Variants in SCUBE1 observed in about 807,000 individuals in gnomAD.
SCUBE1 encodes signal peptide, CUB and EGF-like domain-containing protein 1.
In SCUBE1, 59 loss-of-function variants were observed where a neutral mutation model predicts 124.4. The ratio of observed to expected loss-of-function variants is 0.47; its 90% CI spans 0.38 to 0.59. The LOEUF is 0.59. Among genes scored for constraint, SCUBE1 ranks in the 20% least tolerant of loss-of-function variants. SCUBE1 has a pLI of 0.00. For synonymous variants in SCUBE1, 545 were observed against 550.9 expected (o/e 0.99, Z 0.15); for missense variants, 1,150 against 1,371.2 (o/e 0.84, Z 2.55).
At chr22:43,219,158 G>C (rs1218586277) in intron 14 of SCUBE1, among the ~76,000 whole-genome samples, 1 of 152,176 alleles carries the variant, frequency 6.6e-6, no homozygotes, top group Non-Finnish European at 1.5e-5. Context: ...CTGGTGGGAG[G>C]TGTCTGGGTC....
rs916589759 is a variant in SCUBE1 at position 43,258,960 on chromosome 22, G to A, written c.611-625C>T. On this transcript the variant is annotated intron_variant, in intron 5 of 21. Transcript: ENST00000360835. The surrounding 1 kb of genome is among the most constrained non-coding windows in gnomAD (Gnocchi z 5.0). The stretch of plus-strand genomic sequence containing the variant: ...TGCAAGTTAATGTCATCTGAGGTAC[G>A]GTTTTGAAAATCACCTAAATAATAA... Among the ~76,000 whole-genome samples the A allele has an allele frequency of 2.6e-5, 4 of 152,158 alleles. No individual in the cohort carries two copies. The highest frequency in any genetic ancestry group is 7.2e-5 in the African/African-American group (3 of 41,426).
At chr22:43,295,558 G>A (rs1283757986) in intron 3 of SCUBE1, among the ~76,000 whole-genome samples, 1 of 152,218 alleles carries the variant, frequency 6.6e-6, no homozygotes, top group Non-Finnish European at 1.5e-5. Flanking sequence ...TGGGCACGAG[G>A]GGGGCTTCAG....
intron 4 of SCUBE1, among the ~76,000 whole-genome samples, chr22:43,273,561 C>CTTTTTTTTTTTTTTTTTTTTTT: frequency 1.6e-5 from 1 of 60,972 alleles, no homozygotes; most frequent in East Asian, 4.2e-4. Flanking sequence ...CTAAAACCCT[C>CTTTTTTTTTTTTTTTTTTTTTT]TTTTTTTTTT....
At chr22:43,335,940 GTGA>G (rs1434399746) in intron 2 of SCUBE1, among the ~76,000 whole-genome samples, 1 of 150,366 alleles carries the variant, frequency 6.7e-6, no homozygotes, top group East Asian at 2.0e-4. Flanking sequence ...GATGATGATG[GTGA>G]TGAAGATGAT....
chr22:43,286,364 A>AC (rs1925143417), intron 4 of SCUBE1, among the ~76,000 whole-genome samples: 1 of 152,210 alleles, frequency 6.6e-6, no homozygotes, highest in South Asian at 2.1e-4. Context: ...AATGATGGAG[A>AC]CAATGCGACG....
rs141212602 is a variant in SCUBE1 at position 43,324,841 on chromosome 22, A to G, written c.221-4776T>C. Among the ~76,000 whole-genome samples the G allele has an allele frequency of 5.8e-3, 884 of 151,230 alleles. 5 individuals are homozygous for G. Among genetic ancestry groups the G allele is most frequent in the African/African-American group, 0.021 (855 of 41,144 alleles). On this transcript the variant is annotated intron_variant, in intron 2 of 21. Transcript: ENST00000360835. ...TATTCTTAAAGGGCTGTTGTGGATT[A>G]AATTGTGTCCCCGCAAAAAGATATG... is the stretch of plus-strand genomic sequence containing the variant.
At chr22:43,337,906 C>G (rs989704775) in intron 2 of SCUBE1, among the ~76,000 whole-genome samples, 1 of 152,240 alleles carries the variant, frequency 6.6e-6, no homozygotes, top group Non-Finnish European at 1.5e-5. Context: ...AGAAAACTAG[C>G]TGCCAGAGTT....
At position 43,255,900 on chromosome 22, in the gene SCUBE1, C is replaced by T. The variant is rs9612030; in HGVS notation, c.727+2319G>A. ...GGCTGAGGTCAGGGCAGACGGGATT[C>T]GTCCGCAGAGAGCCACAGAAGCAGA... On this transcript the variant is annotated intron_variant, in intron 6 of 21. Transcript: ENST00000360835. The surrounding 1 kb of genome is among the most constrained non-coding windows in gnomAD (Gnocchi z 4.7). 5.3e-5 allele frequency among the ~76,000 whole-genome samples: 8 copies of T among 152,132 alleles called. No individual in the cohort carries two copies. Among genetic ancestry groups the T allele is most frequent in the Non-Finnish European group, 1.2e-4 (8 of 68,014 alleles).
rs1013518634 is a variant in SCUBE1 at position 43,204,671 on chromosome 22, G to A, written c.2815-522C>T. Reference sequence around the variant, plus strand: ...AATAAGATTTTATTAAAGGCCAAGTGTGGTGGCTCACACCTGTAATCCCAG... The same window carrying A: ...AATAAGATTTTATTAAAGGCCAAGTATGGTGGCTCACACCTGTAATCCCAG... On this transcript the variant is annotated intron_variant, in intron 21 of 21. Coordinates refer to ENST00000360835, the MANE Select transcript of SCUBE1 (RefSeq NM_173050.5). Among the ~76,000 whole-genome samples, 26 of 152,090 alleles carry A rather than the reference G, an allele frequency of 1.7e-4. 1 individual carries two copies. Among genetic ancestry groups the A allele is most frequent in the Admixed American group, 1.4e-3 (22 of 15,284 alleles).
Position 43,229,186 on chromosome 22 carries a change from T to C in SCUBE1, c.970A>G (p.Ile324Val). The change falls in exon 9 of 22, where the codon ATC (isoleucine) becomes GTC (valine). Residue 324 changes from isoleucine to valine, a missense_variant and splice_region_variant. Physicochemically the swap from Ile to Val is conservative, Grantham distance 29 (BLOSUM62 3). This residue lies in a region of SCUBE1 where 337 missense variants were observed against 482.1 expected (regional missense o/e 0.70). Transcript: ENST00000360835. Reference protein sequence around the residue: ...LLTDERTCQDIDECSFERTCD... With the variant: ...LLTDERTCQDVDECSFERTCD... ...GTCCGCTCGAAGGAGCACTCGTCGA[T>C]GTCTGCGTGGCCACAGGGAGACAAA... 1.2e-6 allele frequency: 2 copies of C among 1,608,922 alleles called. No individual in the cohort carries two copies. The highest frequency in any genetic ancestry group is 1.1e-5 in the South Asian group (1 of 90,978).
At chr22:43,239,213 A>T (rs1006259935) in intron 6 of SCUBE1, among the ~76,000 whole-genome samples, 1 of 152,230 alleles carries the variant, frequency 6.6e-6, no homozygotes, top group Non-Finnish European at 1.5e-5. Context: ...CAAACTGCAG[A>T]GGGCTGTGCT....
At chr22:43,251,387 A>G (rs1403474587) in intron 6 of SCUBE1, among the ~76,000 whole-genome samples, 3 of 152,210 alleles carry the variant, frequency 2.0e-5, no homozygotes, top group African/African-American at 7.2e-5. Flanking sequence ...ATGCCCCCTT[A>G]AAATGCCCAC....
At chr22:43,233,865 G>A (rs541263200) in intron 7 of SCUBE1, among the ~76,000 whole-genome samples, 2 of 152,072 alleles carry the variant, frequency 1.3e-5, no homozygotes. Context: ...GAGGAGTGCA[G>A]GGCTGGATGC....
intron 7 of SCUBE1, among the ~76,000 whole-genome samples, chr22:43,236,171 CA>C (rs1420573553): frequency 4.6e-5 from 7 of 152,222 alleles, no homozygotes; most frequent in Non-Finnish European, 1.0e-4. Flanking sequence ...ACCGAGGAAC[CA>C]AACCCTGGGG....
chr22:43,223,114 T>G lies in SCUBE1; in HGVS notation c.1310A>C (p.His437Pro), dbSNP rs754476778. 6.5e-5 allele frequency: 101 copies of G among 1,549,568 alleles called. No homozygotes were observed. Among genetic ancestry groups the G allele is most frequent in the Non-Finnish European group, 8.7e-5 (101 of 1,155,148 alleles). ...VESCFLSCPA[H>P]TLFVPDSENS... Reference sequence around the variant, plus strand: ...CGGGTTACCTGGCACGAAGAGTGTGTGAGCCGGGCAGGAAAGGAAGCAGCT... The same window carrying G: ...CGGGTTACCTGGCACGAAGAGTGTGGGAGCCGGGCAGGAAAGGAAGCAGCT... The change falls in exon 11 of 22, where the codon CAC becomes CCC. Residue 437 changes from histidine (H) to proline (P), a missense_variant. By Grantham distance (77) the His-to-Pro change is moderately conservative. Coordinates refer to ENST00000360835, the MANE Select transcript of SCUBE1 (RefSeq NM_173050.5).
In SCUBE1 at chr22:43,222,948, C is replaced by T. The variant is rs1272037580; in HGVS notation, c.1327+149G>A. 6 of 1,203,152 alleles carry T rather than the reference C, an allele frequency of 5.0e-6. No homozygotes were observed. In the East Asian group the frequency reaches 1.5e-4, roughly 30 times the overall value. 74.5% of individuals were successfully genotyped at this position (1,203,152 alleles called of 1,614,324 possible). A position where few individuals can be genotyped will look rare whatever the true frequency, so the allele number is the denominator to read the frequency against. On this transcript the variant is annotated intron_variant, in intron 11 of 21. Transcript: ENST00000360835. ...AAGGACAGCGAGGCCCACAGAAAAC[C>T]AGACAGCTGCCTTAGGGTCACTCAG...
At chr22:43,311,799 C>T (rs1926179733) in intron 3 of SCUBE1, among the ~76,000 whole-genome samples, 2 of 151,998 alleles carry the variant, frequency 1.3e-5, no homozygotes, top group South Asian at 2.1e-4. Context: ...AAGAGCCCTG[C>T]GAGAGATATC....
intron 15 of SCUBE1, 111 bp from the exon 16 acceptor site, chr22:43,214,362 G>C: frequency 8.6e-7 from 1 of 1,159,022 alleles, no homozygotes; most frequent in Non-Finnish European, 1.2e-6. Context: ...TGTCCCCTGG[G>C]GCCCCAAGGA....
intron 4 of SCUBE1, chr22:43,270,118 A>C (rs1924235741): frequency 6.6e-6 from 1 of 152,254 alleles, no homozygotes; most frequent in South Asian, 2.1e-4. Flanking sequence ...CAAGTGGAGA[A>C]TTCTACACAT....
Sources: allele counts gnomAD v4.1 joint callset (sites outside exome capture counted in the v4.1 genomes callset), GRCh38; gene constraint gnomAD v4.1.1; regional missense constraint gnomAD v4.1.1; non-coding constraint Gnocchi (gnomAD v3.1); transcripts MANE v1.5; gene names NCBI Gene and HGNC (gene_info 2026-07-23, HGNC 2026-07-21).